The following SHCBP1 variants were observed in gnomAD, a reference collection of about 807,000 sequenced individuals.
SHCBP1 encodes SHC SH2 domain-binding protein 1.
A neutral mutation model predicts 75.1 loss-of-function variants in SHCBP1; 60 were observed. The observed-to-expected ratio is 0.80, with a 90% CI of 0.65 to 0.99. The LOEUF is 0.99. SHCBP1 is among the 50% of genes least tolerant of loss of function. The pLI is 0.00. For missense variants in SHCBP1, 709 were observed against 809.4 expected (o/e 0.88, Z 1.50); for synonymous variants, 290 against 293.2 (o/e 0.99, Z 0.11).
intron 4 of SHCBP1, among the ~76,000 whole-genome samples, chr16:46,610,522 T>C (rs1176548944): frequency 3.5e-5 from 5 of 142,550 alleles, no homozygotes; most frequent in African/African-American, 7.7e-5. Flanking sequence ...TAAATTTTGG[T>C]GATTACATCC....
intron 10 of SHCBP1, among the ~76,000 whole-genome samples, chr16:46,586,165 A>G (rs1335583200): frequency 1.3e-5 from 2 of 152,260 alleles, no homozygotes; most frequent in East Asian, 3.8e-4. Flanking sequence ...AGATGATAGA[A>G]TTAACTGACA....
rs146062703 is a variant in SHCBP1 at position 46,598,264 on chromosome 16, A to G, written c.1345+1567T>C. On this transcript the variant is annotated intron_variant, in intron 9 of 12. Coordinates refer to ENST00000303383, the MANE Select transcript of SHCBP1 (RefSeq NM_024745.5). ...TTTGCCCAGACCCATCGGAGGAATC[A>G]CTATCAATAGCTGGTATAGCCTTAG... Among the ~76,000 whole-genome samples the G allele has an allele frequency of 5.8e-3, 887 of 152,302 alleles. 8 individuals are homozygous for G. Among genetic ancestry groups the G allele is most frequent in the Non-Finnish European group, 9.7e-3 (662 of 68,022 alleles).
chr16:46,608,267 T>C (rs549405237), intron 5 of SHCBP1, 30 bp downstream of exon 5: 16 of 1,525,876 alleles, frequency 1.0e-5, no homozygotes, highest in South Asian at 7.9e-5. Context: ...TTTTCCAACA[T>C]GTACAACAAG....
At chr16:46,589,751 T>C (rs1190823315) in intron 10 of SHCBP1, among the ~76,000 whole-genome samples, 4 of 152,172 alleles carry the variant, frequency 2.6e-5, no homozygotes, top group Non-Finnish European at 5.9e-5. Flanking sequence ...CTGCCCAAGG[T>C]AATTTATAGA....
intron 4 of SHCBP1, among the ~76,000 whole-genome samples, chr16:46,608,851 G>A (rs901068744): frequency 7.9e-5 from 12 of 151,930 alleles, no homozygotes; most frequent in African/African-American, 2.4e-4. Flanking sequence ...CACCCGCCTC[G>A]GACTCCCAAA....
chr16:46,617,347 T>G (rs1196269054), intron 3 of SHCBP1, among the ~76,000 whole-genome samples: 1 of 152,304 alleles, frequency 6.6e-6, no homozygotes, highest in African/African-American at 2.4e-5. Flanking sequence ...AATTAAGAAG[T>G]TAAACACTTT....
intron 9 of SHCBP1, among the ~76,000 whole-genome samples, chr16:46,598,186 G>A (rs1176409526): frequency 2.0e-5 from 3 of 152,108 alleles, no homozygotes; most frequent in Non-Finnish European, 4.4e-5. Flanking sequence ...AATCACAAAT[G>A]TTCTTAATGA....
rs1399993577 is a variant in SHCBP1 at position 46,581,837 on chromosome 16, C to T, written c.1911G>A (p.Gly637=). The part of the protein sequence containing the change: ...QIKKKRLSEL[G]ITQADDNLMS... ...TTAAGTTGTCATCAGCTTGCGTGAT[C>T]CCCAGTTCACTCAACCTTTTCTTCT... is the stretch of plus-strand genomic sequence containing the variant. The change falls in exon 13 of 13, where the codon GGG becomes GGA. Residue 637 remains glycine, a synonymous_variant. Transcript: ENST00000303383. 6.2e-7 allele frequency: 1 copy of T among 1,614,166 alleles called. No individual in the cohort carries two copies. Among genetic ancestry groups the T allele is most frequent in the African/African-American group, 1.3e-5 (1 of 75,040 alleles).
intron 4 of SHCBP1, among the ~76,000 whole-genome samples, chr16:46,613,133 CACA>C (rs1392940283): frequency 6.6e-6 from 1 of 152,120 alleles, no homozygotes; most frequent in Non-Finnish European, 1.5e-5. Flanking sequence ...GCTTGGGCAA[CACA>C]ACGAGACCCC....
Position 46,603,627 on chromosome 16 carries a change from G to A in SHCBP1, c.1125C>T (p.Ala375=), listed in dbSNP as rs141306317. Residue 375 remains alanine, a synonymous_variant, in exon 8 of 13, where the codon GCC becomes GCT. Transcript: ENST00000303383. ...FHSDPLSAIN[A]CFEGDTVIVC... ...CAATAACAGTGTCACCTTCGAAGCA[G>A]GCATTTATAGCAGACAATGGATCAC... 1.8e-4 allele frequency: 291 copies of A among 1,614,134 alleles called. 1 individual carries two copies. The African/African-American group carries it at 3.5e-3, about 19-fold the overall frequency.
chr16:46,589,942 A>G (rs1596672170), intron 10 of SHCBP1, among the ~76,000 whole-genome samples: 1 of 152,226 alleles, frequency 6.6e-6, no homozygotes, highest in East Asian at 1.9e-4. Context: ...ACAGTAACCA[A>G]AACAGCATGG....
chr16:46,583,593 T>C lies in SHCBP1; in HGVS notation c.1616A>G (p.Asn539Ser), dbSNP rs1412437688. 7.4e-6 allele frequency: 12 copies of C among 1,610,990 alleles called. No homozygotes were observed. The highest frequency in any genetic ancestry group is 3.4e-5 in the Admixed American group (2 of 59,310). ...CACCAAGACAACACCATAACCTTCA[T>C]TATTATGTATTATATTATTCACCAT... ...ISMVNNIIHN[N>S]EGYGVVLVKP... Residue 539 changes from asparagine (N) to serine (S), a missense_variant, in exon 12 of 13, where the codon AAT becomes AGT. Physicochemically the swap from Asn to Ser is conservative, Grantham distance 46. Transcript: ENST00000303383.
chr16:46,595,299 C>CTACAGT (rs1555518789), intron 10 of SHCBP1, among the ~76,000 whole-genome samples: 4 of 152,034 alleles, frequency 2.6e-5, no homozygotes, highest in Non-Finnish European at 5.9e-5. Context: ...CTGTGTGAAT[C>CTACAGT]TACAAAGTTA....
At chr16:46,601,716 C>T (rs574090822) in intron 8 of SHCBP1, among the ~76,000 whole-genome samples, 5 of 152,222 alleles carry the variant, frequency 3.3e-5, no homozygotes, top group African/African-American at 7.2e-5. Context: ...ATATTTTCTA[C>T]AATAACCATT....
At chr16:46,621,186 C>T in intron 1 of SHCBP1, 71 bp downstream of exon 1, 1 of 1,406,444 alleles carries the variant, frequency 7.1e-7, no homozygotes, top group East Asian at 2.4e-5. Flanking sequence ...GACCCAGGCG[C>T]CCTCCTAGGG....
intron 10 of SHCBP1, among the ~76,000 whole-genome samples, chr16:46,585,865 C>A (rs1964947988): frequency 6.6e-6 from 1 of 152,148 alleles, no homozygotes; most frequent in Non-Finnish European, 1.5e-5. Flanking sequence ...GACCTCCCAC[C>A]CCTACATAGC....
At chr16:46,593,664 G>T (rs1965086597) in intron 10 of SHCBP1, among the ~76,000 whole-genome samples, 1 of 151,944 alleles carries the variant, frequency 6.6e-6, no homozygotes, top group African/African-American at 2.4e-5. Context: ...TTGAGCCCAG[G>T]AGACTGAAGC....
At chr16:46,611,553 T>C (rs934861714) in intron 4 of SHCBP1, among the ~76,000 whole-genome samples, 9 of 152,240 alleles carry the variant, frequency 5.9e-5, no homozygotes, top group African/African-American at 2.2e-4. Flanking sequence ...TAATATTTCT[T>C]AATGTATATA....
chr16:46,582,040 T>A lies in SHCBP1; in HGVS notation c.1708A>T (p.Lys570Ter). The change falls in exon 13 of 13, where the codon AAA becomes TAA. Residue 570 changes from lysine to a stop codon, truncating the protein, a stop_gained. Coordinates refer to ENST00000303383, the MANE Select transcript of SHCBP1 (RefSeq NM_024745.5). LOFTEE classifies it high-confidence loss of function. Reference sequence around the variant, plus strand: ...TCTGGCTCTCCACTTGTCTGAATTTTAAGCGCTTTATTTTCTGGAGAAACA... The same window carrying A: ...TCTGGCTCTCCACTTGTCTGAATTTAAAGCGCTTTATTTTCTGGAGAAACA... ...EDGTEENKAL[K>*]IQTSGEPDVA... 6.2e-7 allele frequency: 1 copy of A among 1,601,478 alleles called. No individual in the cohort carries two copies. The highest frequency in any genetic ancestry group is 1.1e-5 in the South Asian group (1 of 88,410).
Sources: gnomAD v4.1 joint callset for allele counts (sites outside exome capture counted in the v4.1 genomes callset) on GRCh38, gnomAD v4.1.1 for gene constraint, MANE v1.5 for transcripts, NCBI Gene and HGNC (gene_info 2026-07-23, HGNC 2026-07-21) for gene names.